Variants in MINDY3 observed in about 807,000 individuals in gnomAD.
The protein encoded by MINDY3 is MINDY lysine 48 deubiquitinase 3.
A neutral mutation model predicts 69.2 loss-of-function variants in MINDY3; 38 were observed. That is an observed-to-expected ratio of 0.55 (90% confidence interval 0.42 to 0.72). The LOEUF (loss-of-function observed/expected upper bound fraction) is 0.72. Ranked by LOEUF, MINDY3 falls within the 30% of genes least tolerant of loss-of-function variation. MINDY3 has a pLI of 0.00. For synonymous variants in MINDY3, 192 were observed against 180.1 expected (o/e 1.07, Z -0.53); for missense variants, 522 against 519.0 (o/e 1.01, Z -0.06).
intron 9 of MINDY3, chr10:15,818,141 G>C (rs951121088): frequency 1.3e-5 from 2 of 152,180 alleles, no homozygotes; most frequent in Non-Finnish European, 2.9e-5. Context: ...CACAGGATCT[G>C]TGCCTGGTCT....
chr10:15,858,426 A>G (rs1178786379), intron 1 of MINDY3, among the ~76,000 whole-genome samples: 1 of 152,230 alleles, frequency 6.6e-6, no homozygotes, highest in African/African-American at 2.4e-5. Context: ...AAAAAGCCAA[A>G]GAGTGAATTT....
At chr10:15,799,050 G>A (rs1166628403) in intron 10 of MINDY3, among the ~76,000 whole-genome samples, 1 of 151,832 alleles carries the variant, frequency 6.6e-6, no homozygotes, top group African/African-American at 2.4e-5. Context: ...TGTTTTGCAG[G>A]GCATATGGTC....
At chr10:15,837,884 C>A in intron 5 of MINDY3, 3 of 940,920 alleles carry the variant, frequency 3.2e-6, no homozygotes, top group Non-Finnish European at 3.8e-6. Flanking sequence ...AAAACAGATA[C>A]TGGCAAATAA....
intron 10 of MINDY3, among the ~76,000 whole-genome samples, chr10:15,808,679 A>G (rs1186237002): frequency 6.6e-6 from 1 of 152,160 alleles, no homozygotes; most frequent in East Asian, 1.9e-4. Context: ...CAGTTCTGTC[A>G]TGGATATTCA....
chr10:15,818,336 A>C lies in MINDY3; in HGVS notation c.802-1421T>G, dbSNP rs184034049. On this transcript the variant is annotated intron_variant, in intron 9 of 14. Transcript: ENST00000277632. The stretch of plus-strand genomic sequence containing the variant: ...TAGAAGTAAAAAAAAAAAACAAACA[A>C]ACAAAGGATAAGATCAAAGAATAAA... Among the ~76,000 whole-genome samples, 718 of 152,208 alleles carry C rather than the reference A, an allele frequency of 4.7e-3. 9 individuals carry two copies. The highest frequency in any genetic ancestry group is 0.017 in the African/African-American group (687 of 41,528).
chr10:15,828,397 C>T (rs190763417), intron 8 of MINDY3, among the ~76,000 whole-genome samples: 65 of 152,064 alleles, frequency 4.3e-4, no homozygotes, highest in African/African-American at 1.3e-3. Flanking sequence ...AGTAGATGAG[C>T]GGATGCTAGG....
chr10:15,837,826 G>C, intron 5 of MINDY3: 1 of 975,662 alleles, frequency 1.0e-6, no homozygotes, highest in South Asian at 4.7e-5. Context: ...GTAATAAAAA[G>C]TTTAAATGCT....
intron 11 of MINDY3, among the ~76,000 whole-genome samples, chr10:15,793,991 A>C (rs1837619729): frequency 6.6e-6 from 1 of 152,110 alleles, no homozygotes; most frequent in Non-Finnish European, 1.5e-5. Flanking sequence ...CGCCTATTTA[A>C]TTAGGAATAT....
At chr10:15,860,093 C>G (rs1832395564) in intron 1 of MINDY3, 113 bp downstream of exon 1, 3 of 771,900 alleles carry the variant, frequency 3.9e-6, no homozygotes, top group Non-Finnish European at 6.5e-6. Flanking sequence ...CTGAGCACGG[C>G]GACTGGGGCA....
chr10:15,845,856 T>A (rs1209302600), intron 2 of MINDY3, among the ~76,000 whole-genome samples: 1 of 117,306 alleles, frequency 8.5e-6, no homozygotes, highest in Non-Finnish European at 1.7e-5. Flanking sequence ...AGAGTTTCAC[T>A]CTTTCACCCG....
In MINDY3 at chr10:15,842,411, A is replaced by G. The variant is rs57565966; in HGVS notation, c.235+801T>C. 1.2e-4 allele frequency among the ~76,000 whole-genome samples: 19 copies of G among 152,010 alleles called. No homozygotes were observed. The East Asian group carries it at 3.7e-3, about 29-fold the overall frequency. ...GTGAATATAGTGAATATAGTATAAG[A>G]AATAGTATAAATTTTATTAAAAGTT... On this transcript the variant is annotated intron_variant, in intron 3 of 14. Transcript: ENST00000277632.
At chr10:15,839,684 C>T (rs184936931) in intron 4 of MINDY3, among the ~76,000 whole-genome samples, 5 of 151,480 alleles carry the variant, frequency 3.3e-5, no homozygotes, top group African/African-American at 1.2e-4. Context: ...AAGGAAAGAA[C>T]AGGTAAAATA....
intron 5 of MINDY3, chr10:15,837,699 A>T (rs1240839483): frequency 1.8e-6 from 2 of 1,085,018 alleles, no homozygotes; most frequent in Middle Eastern, 4.2e-4. Context: ...CTTAACAAAT[A>T]TCTTAATGCC....
At chr10:15,856,522 T>C (rs537123168) in intron 1 of MINDY3, among the ~76,000 whole-genome samples, 110 of 152,088 alleles carry the variant, frequency 7.2e-4, no homozygotes, top group African/African-American at 2.3e-3. Flanking sequence ...AGGAAAATAA[T>C]TGGAAGAAGG....
intron 10 of MINDY3, among the ~76,000 whole-genome samples, chr10:15,801,227 A>G (rs1029801421): frequency 5.9e-5 from 9 of 152,166 alleles, no homozygotes; most frequent in Non-Finnish European, 1.3e-4. Context: ...GAAGAGAAGG[A>G]AGCACTAGGA....
intron 10 of MINDY3, among the ~76,000 whole-genome samples, chr10:15,801,256 A>C (rs1486623225): frequency 6.6e-6 from 1 of 152,170 alleles, no homozygotes; most frequent in Non-Finnish European, 1.5e-5. Flanking sequence ...AGAAAGGAAA[A>C]GGCTACTGTT....
chr10:15,841,628 T>C (rs1833475866), intron 3 of MINDY3, 29 bp from the exon 4 acceptor site: 5 of 1,495,822 alleles, frequency 3.3e-6, no homozygotes, highest in East Asian at 4.6e-5. Flanking sequence ...TAAGTTATAA[T>C]GGTTTCCTCT....
chr10:15,858,814 T>C (rs1252538364), intron 1 of MINDY3, among the ~76,000 whole-genome samples: 1 of 152,210 alleles, frequency 6.6e-6, no homozygotes, highest in Non-Finnish European at 1.5e-5. Context: ...AATTTTTTCT[T>C]AGTCTTTCAC....
At chr10:15,799,633 A>G (rs1177999335) in intron 10 of MINDY3, among the ~76,000 whole-genome samples, 3 of 152,182 alleles carry the variant, frequency 2.0e-5, no homozygotes, top group Non-Finnish European at 4.4e-5. Flanking sequence ...TTCTAGCTAG[A>G]AGGAACGGAA....
Sources: allele counts gnomAD v4.1 joint callset (sites outside exome capture counted in the v4.1 genomes callset), GRCh38; gene constraint gnomAD v4.1.1; transcripts MANE v1.5; gene names NCBI Gene and HGNC (gene_info 2026-07-23, HGNC 2026-07-21).